Variants in FRAS1 observed in about 807,000 individuals in gnomAD.
FRAS1 encodes the protein extracellular matrix organizing protein FRAS1.
A neutral mutation model predicts 435.2 loss-of-function variants in FRAS1; 290 were observed. That is an observed-to-expected ratio of 0.67 (90% CI 0.61 to 0.73). The LOEUF (loss-of-function observed/expected upper bound fraction) is 0.73. Among genes scored for constraint, FRAS1 ranks in the 30% least tolerant of loss-of-function variants. The pLI, the probability that FRAS1 is intolerant of heterozygous loss-of-function variation, is 0.00. For missense variants in FRAS1, 4,860 were observed against 5,001.5 expected, an observed-to-expected ratio of 0.97 and a Z score of 0.85; for synonymous variants, 1,800 against 1,851.0, an observed-to-expected ratio of 0.97 and a Z score of 0.71.
chr4:78,381,089 C>G (rs1163718284), intron 27 of FRAS1, among the ~76,000 whole-genome samples: 1 of 152,134 alleles, frequency 6.6e-6, no homozygotes, highest in African/African-American at 2.4e-5. Flanking sequence ...AGCTGAGACT[C>G]CAAGCCAAGA....
chr4:78,093,877 T>C (rs904771272), intron 2 of FRAS1, among the ~76,000 whole-genome samples: 1 of 152,174 alleles, frequency 6.6e-6, no homozygotes, highest in African/African-American at 2.4e-5. Flanking sequence ...TTAGCAGCAA[T>C]TTCAGAAGTT....
chr4:78,346,810 C>T (rs1413581614), intron 20 of FRAS1, among the ~76,000 whole-genome samples: 1 of 152,136 alleles, frequency 6.6e-6, no homozygotes, highest in African/African-American at 2.4e-5. Flanking sequence ...GAGCTCCTCC[C>T]CCAGTGTCCC....
At chr4:78,147,632 G>A (rs1445918989) in intron 2 of FRAS1, among the ~76,000 whole-genome samples, 2 of 152,166 alleles carry the variant, frequency 1.3e-5, no homozygotes, top group Non-Finnish European at 1.5e-5. Context: ...AAGGAAATGA[G>A]TTCATCCTTC....
chr4:78,513,413 CCCACA>C lies in FRAS1; in HGVS notation c.10039_10043del (p.His3347GlyfsTer21). On this transcript the variant is annotated frameshift_variant, in exon 65 of 74. Coordinates refer to ENST00000512123, the MANE Select transcript of FRAS1 (RefSeq NM_025074.7). LOFTEE classifies it high-confidence loss of function. ...CTAGAATCCACATTTCGGTGCAGAT[CCCACA>C]CCAGGATGGAATGCTGCCCCTTATC... 6.2e-7 allele frequency: 1 copy of C among 1,613,864 alleles called. No individual in the cohort carries two copies. Among genetic ancestry groups the C allele is most frequent in the South Asian group, 1.1e-5 (1 of 91,058 alleles).
intron 32 of FRAS1, 143 bp downstream of exon 32, chr4:78,413,228 C>T: frequency 2.0e-6 from 1 of 504,228 alleles, no homozygotes; most frequent in Non-Finnish European, 3.5e-6. Context: ...CTAGTGGTCA[C>T]ATTTCTCATT....
intron 2 of FRAS1, among the ~76,000 whole-genome samples, chr4:78,091,145 T>C (rs1264454266): frequency 6.6e-6 from 1 of 151,840 alleles, no homozygotes; most frequent in Non-Finnish European, 1.5e-5. Flanking sequence ...TCAATCAGTT[T>C]AGATGCATTT....
intron 9 of FRAS1, among the ~76,000 whole-genome samples, chr4:78,277,580 G>A (rs1727115055): frequency 6.6e-6 from 1 of 152,040 alleles, no homozygotes; most frequent in Non-Finnish European, 1.5e-5. Flanking sequence ...TCAGATGTTA[G>A]TGTATACACA....
intron 10 of FRAS1, among the ~76,000 whole-genome samples, chr4:78,280,496 C>T (rs1000560969): frequency 1.3e-5 from 2 of 151,482 alleles, no homozygotes; most frequent in African/African-American, 2.4e-5. Context: ...ACATAGTTGA[C>T]TGGGGTTAAC....
chr4:78,456,383 T>G (rs1395130477), intron 47 of FRAS1, among the ~76,000 whole-genome samples: 1 of 152,148 alleles, frequency 6.6e-6, no homozygotes, highest in Non-Finnish European at 1.5e-5. Context: ...CCTCAAGTGA[T>G]CTGCCTGCTT....
intron 27 of FRAS1, among the ~76,000 whole-genome samples, chr4:78,380,622 C>G (rs1731976867): frequency 6.6e-6 from 1 of 152,216 alleles, no homozygotes; most frequent in African/African-American, 2.4e-5. Context: ...GGTAAATCTA[C>G]TCCACAGAAG....
chr4:78,513,513 T>C lies in FRAS1; in HGVS notation c.10135T>C (p.Ser3379Pro). ...ESIYRHQHVC[S>P]NLVTTYDLRG... ...CATCTACAGACACCAGCACGTCTGCTCCAATTTAGTTACCACCTATGACCT... is the reference window on the plus strand; with the variant it reads ...CATCTACAGACACCAGCACGTCTGCCCCAATTTAGTTACCACCTATGACCT... The change falls in exon 65 of 74, where the codon TCC becomes CCC. Residue 3379 changes from serine to proline, a missense_variant. Ser to Pro is a moderately conservative substitution (Grantham distance 74). Transcript: ENST00000512123. The C allele has an allele frequency of 6.2e-7, 1 of 1,613,884 alleles. No homozygotes were observed. Among genetic ancestry groups the C allele is most frequent in the Non-Finnish European group, 8.5e-7 (1 of 1,179,848 alleles).
chr4:78,226,775 C>T (rs565922202), intron 2 of FRAS1, among the ~76,000 whole-genome samples: 22 of 151,930 alleles, frequency 1.4e-4, no homozygotes, highest in East Asian at 5.8e-4. Flanking sequence ...ATTTTGTTTC[C>T]GCCCATTTCT....
chr4:78,067,480 C>A (rs755286423), intron 2 of FRAS1, among the ~76,000 whole-genome samples: 194 of 152,008 alleles, frequency 1.3e-3, no homozygotes, highest in Non-Finnish European at 2.4e-3. Flanking sequence ...GGAGAAACAG[C>A]CCAGCCAACT....
chr4:78,475,567 C>G lies in FRAS1; in HGVS notation c.7812C>G (p.Ser2604=), dbSNP rs755273572. 2 of 1,613,028 alleles carry G rather than the reference C, an allele frequency of 1.2e-6. No homozygotes were observed. Among genetic ancestry groups the G allele is most frequent in the African/African-American group, 2.7e-5 (2 of 74,896 alleles). Residue 2604 remains serine (S), a synonymous_variant, in exon 54 of 74, where the codon TCC becomes TCG. Coordinates refer to ENST00000512123, the MANE Select transcript of FRAS1 (RefSeq NM_025074.7). ...CCAGCTCCAGCTCCAGGGTCAGCTC[C>G]CAACCTGGGCAACAGGACTATGTAG... ...GTASSSSRVS[S]QPGQQDYVEY...
At chr4:78,332,815 G>A (rs1230087790) in intron 18 of FRAS1, among the ~76,000 whole-genome samples, 6 of 152,202 alleles carry the variant, frequency 3.9e-5, no homozygotes, top group African/African-American at 1.4e-4. Flanking sequence ...TGTATGCCCA[G>A]TCTCCATCAT....
At chr4:78,211,039 T>C (rs1297939538) in intron 2 of FRAS1, among the ~76,000 whole-genome samples, 3 of 152,204 alleles carry the variant, frequency 2.0e-5, no homozygotes, top group African/African-American at 7.2e-5. Flanking sequence ...ATGGTAATTG[T>C]TGGCAAAGAA....
intron 37 of FRAS1, among the ~76,000 whole-genome samples, 176 bp downstream of exon 37, chr4:78,430,593 TC>T (rs746492309): frequency 1.8e-4 from 28 of 152,190 alleles, no homozygotes; most frequent in Non-Finnish European, 2.2e-4. Flanking sequence ...TGTTCCCACT[TC>T]CATCCCTGCC....
rs191338879 is a variant in FRAS1, at chr4:78,092,088, T to A, written c.108+26072T>A. The stretch of plus-strand genomic sequence containing the variant: ...CTTCCCTGGCTGGTGGTTCTGGAGC[T>A]ATAGACTCTTCATATTCCCTCAGTG... On this transcript the variant is annotated intron_variant, in intron 2 of 73. Transcript: ENST00000512123. Among the ~76,000 whole-genome samples, 3 of 151,966 alleles carry A rather than the reference T, an allele frequency of 2.0e-5. No homozygotes were observed. The East Asian group carries it at 5.8e-4, about 29-fold the overall frequency.
At chr4:78,482,298 G>T in intron 57 of FRAS1, 90 bp from the exon 58 acceptor site, 1 of 1,416,870 alleles carries the variant, frequency 7.1e-7, no homozygotes, top group South Asian at 1.2e-5. Context: ...AACCACCAAA[G>T]ACAGGCAAGT....
Sources: gnomAD v4.1 joint callset for allele counts (sites outside exome capture counted in the v4.1 genomes callset) on GRCh38, gnomAD v4.1.1 for gene constraint, MANE v1.5 for transcripts, NCBI Gene and HGNC (gene_info 2026-07-23, HGNC 2026-07-21) for gene names.